The following B4GALT7 variants were observed in gnomAD, a reference collection of about 807,000 sequenced individuals.
B4GALT7 encodes the protein beta-1,4-galactosyltransferase 7, also known as UDP-Gal:beta-GlcNAc beta-1,4-galactosyltransferase 7.
A neutral mutation model predicts 33.0 loss-of-function variants in B4GALT7; 30 were observed. That is an observed-to-expected ratio of 0.91 (90% CI 0.68 to 1.23). B4GALT7 has a LOEUF of 1.23. B4GALT7 is among the 50% of genes most tolerant of loss of function. B4GALT7 has a pLI of 0.00. For synonymous variants in B4GALT7, 213 were observed against 187.2 expected (o/e 1.14, Z -1.13); for missense variants, 507 against 450.8 (o/e 1.12, Z -1.13).
chr5:177,609,588 C>G lies in B4GALT7; in HGVS notation c.877C>G (p.His293Asp), dbSNP rs371684746. 1.2e-6 allele frequency: 2 copies of G among 1,613,768 alleles called. No individual in the cohort carries two copies. The highest frequency in any genetic ancestry group is 2.7e-5 in the African/African-American group (2 of 74,916). Reference protein sequence around the residue: ...REGGLNTVKYHVASRTALSVG... With the variant: ...REGGLNTVKYDVASRTALSVG... ...GGGAGGCCTGAACACTGTGAAGTAC[C>G]ATGTGGCTTCCCGCACTGCCCTGTC... is the stretch of plus-strand genomic sequence containing the variant. Residue 293 changes from histidine (H) to aspartate (D), a missense_variant, in exon 6 of 6, where the codon CAT (histidine) becomes GAT (aspartate). Coordinates refer to ENST00000029410, the MANE Select transcript of B4GALT7 (RefSeq NM_007255.3).
intron 1 of B4GALT7, among the ~76,000 whole-genome samples, chr5:177,603,631 T>A (rs1011256438): frequency 6.6e-6 from 1 of 152,150 alleles, no homozygotes; most frequent in African/African-American, 2.4e-5. Context: ...AGAGTAAACA[T>A]TGGTCATTTT....
rs1768092599 is a variant in B4GALT7 at position 177,608,831 on chromosome 5, G to C, written c.724-79G>C. ...AGGCTGGGAGTGCAGGTCCCTTCCT[G>C]TGGGACCTCGGGAGCTGGTGGTGAG... On this transcript the variant is annotated intron_variant, in intron 4 of 5. Transcript: ENST00000029410. The surrounding 1 kb of genome is among the most constrained non-coding windows in gnomAD (Gnocchi z 4.1). 9.0e-6 allele frequency: 12 copies of C among 1,329,138 alleles called. No individual in the cohort carries two copies. The East Asian group carries it at 2.8e-4, about 31-fold the overall frequency. The allele number at this position is 1,329,138 out of a possible 1,614,324, so 82.3% of individuals were successfully genotyped here. A position where few individuals can be genotyped will look rare whatever the true frequency, so the allele number is the denominator to read the frequency against.
chr5:177,603,824 G>T (rs1424357824), intron 1 of B4GALT7, among the ~76,000 whole-genome samples: 1 of 152,098 alleles, frequency 6.6e-6, no homozygotes, highest in Non-Finnish European at 1.5e-5. Context: ...CACTATCGTG[G>T]GGAGGAGCAC....
At chr5:177,601,639 C>G (rs924900939) in intron 1 of B4GALT7, 3 of 152,250 alleles carry the variant, frequency 2.0e-5, no homozygotes, top group African/African-American at 7.2e-5. Context: ...GTGTAGCTAT[C>G]TAGTGTAGGC....
rs1050030873 is a variant in B4GALT7, at chr5:177,600,341, A to G, written c.50+81A>G. 2.6e-6 allele frequency: 3 copies of G among 1,136,394 alleles called. No individual in the cohort carries two copies. The highest frequency in any genetic ancestry group is 3.4e-6 in the Non-Finnish European group (3 of 891,616). 70.4% of individuals were successfully genotyped at this position (1,136,394 alleles called of 1,614,324 possible). A position where few individuals can be genotyped will look rare whatever the true frequency, so the allele number is the denominator to read the frequency against. ...GCCGCCGGCGGAATCTGGGAACCCG[A>G]GGCCATCACGTCTCCATGTCTGCGG... On this transcript the variant is annotated intron_variant, in intron 1 of 5. Coordinates refer to ENST00000029410, the MANE Select transcript of B4GALT7 (RefSeq NM_007255.3). The surrounding 1 kb of genome is among the most constrained non-coding windows in gnomAD (Gnocchi z 4.4).
At chr5:177,602,871 T>C (rs1435552802) in intron 1 of B4GALT7, 1 of 880,646 alleles carries the variant, frequency 1.1e-6, no homozygotes, top group South Asian at 5.7e-5. Flanking sequence ...ACTTAGGAGA[T>C]AGAATTTATT....
chr5:177,607,792 C>A, intron 3 of B4GALT7: 1 of 539,346 alleles, frequency 1.9e-6, no homozygotes, highest in Non-Finnish European at 3.4e-6. Flanking sequence ...GTGTACCTTG[C>A]CCACCTCTCA....
chr5:177,606,788 T>G lies in B4GALT7; in HGVS notation c.414-514T>G. 4.2e-6 allele frequency: 1 copy of G among 239,014 alleles called. No individual in the cohort carries two copies. Among genetic ancestry groups the G allele is most frequent in the South Asian group, 5.6e-5 (1 of 17,984 alleles). The allele number at this position is 239,014 out of a possible 1,614,324, so 14.8% of individuals were successfully genotyped here. A position where few individuals can be genotyped will look rare whatever the true frequency, so the allele number is the denominator to read the frequency against. On this transcript the variant is annotated intron_variant, in intron 2 of 5. Coordinates refer to ENST00000029410, the MANE Select transcript of B4GALT7 (RefSeq NM_007255.3). The surrounding 1 kb of genome is among the most constrained non-coding windows in gnomAD (Gnocchi z 4.2). ...CACCTCTGCCCTCGCCCTGCCCAGC[T>G]GCCCGTTGGTCTGCTCCTGCCTCCT...
intron 2 of B4GALT7, chr5:177,604,938 C>T (rs1767944563): frequency 6.5e-6 from 3 of 462,148 alleles, no homozygotes; most frequent in Non-Finnish European, 1.3e-5. Flanking sequence ...TTAAAGTTGC[C>T]CACAGTCTGG....
In B4GALT7 at chr5:177,604,176, C is replaced by T. The variant is rs1341176109; in HGVS notation, c.51-3C>T. The T allele has an allele frequency of 1.2e-6, 2 of 1,613,530 alleles. No individual in the cohort carries two copies. Among genetic ancestry groups the T allele is most frequent in the Admixed American group, 1.7e-5 (1 of 60,024 alleles). On this transcript the variant is annotated splice_polypyrimidine_tract_variant and splice_region_variant and intron_variant, in intron 1 of 5. Transcript: ENST00000029410. ...TCCTGACCCTGTCCCGCGCTTGCTCCAGGTCCGGGTTGCTCTCCGGCGGCC... is the reference window on the plus strand; with the variant it reads ...TCCTGACCCTGTCCCGCGCTTGCTCTAGGTCCGGGTTGCTCTCCGGCGGCC...
At chr5:177,607,626 G>C in intron 3 of B4GALT7, 99 bp downstream of exon 3, 4 of 1,215,034 alleles carry the variant, frequency 3.3e-6, no homozygotes, top group Non-Finnish European at 3.6e-6. Context: ...CCAGCAGATG[G>C]AGCCCTGCCC....
rs1767908688 is a variant in B4GALT7, at chr5:177,604,086, A to C, written c.51-93A>C. The C allele has an allele frequency of 7.0e-6, 11 of 1,567,104 alleles. No homozygotes were observed. In the Admixed American group the frequency reaches 1.0e-4, roughly 14 times the overall value. On this transcript the variant is annotated intron_variant, in intron 1 of 5. Coordinates refer to ENST00000029410, the MANE Select transcript of B4GALT7 (RefSeq NM_007255.3). ...CCCAGGTGCTTGGGGTAGACGAGTT[A>C]TGTGCAGCCTCCTCGTGGGGAGGCC...
intron 1 of B4GALT7, among the ~76,000 whole-genome samples, chr5:177,601,774 T>A (rs947741261): frequency 1.3e-5 from 2 of 151,824 alleles, no homozygotes; most frequent in Admixed American, 6.6e-5. Context: ...TGGGAGCCAC[T>A]GGGACTGCAA....
At chr5:177,602,372 A>C (rs2127510542) in intron 1 of B4GALT7, among the ~76,000 whole-genome samples, 1 of 152,260 alleles carries the variant, frequency 6.6e-6, no homozygotes, top group East Asian at 1.9e-4. Context: ...CCCTTTCTGT[A>C]ACTCACTTGG....
At chr5:177,607,706 G>T in intron 3 of B4GALT7, 179 bp downstream of exon 3, 1 of 651,000 alleles carries the variant, frequency 1.5e-6, no homozygotes, top group Non-Finnish European at 2.7e-6. Flanking sequence ...CGCAGCAGCA[G>T]AACTGCTTGC....
chr5:177,602,856 G>C lies in B4GALT7; in HGVS notation c.51-1323G>C, dbSNP rs1767880028. On this transcript the variant is annotated intron_variant, in intron 1 of 5. Coordinates refer to ENST00000029410, the MANE Select transcript of B4GALT7 (RefSeq NM_007255.3). ...AACAGATGAGTGAGGAAGGATCAGA[G>C]GGGGACTTAGGAGATAGAATTTATT... is the stretch of plus-strand genomic sequence containing the variant. The C allele has an allele frequency of 3.0e-5, 29 of 970,696 alleles. No individual in the cohort carries two copies. The South Asian group carries it at 1.2e-3, about 40-fold the overall frequency. 60.1% of individuals were successfully genotyped at this position (970,696 alleles called of 1,614,324 possible). A position where few individuals can be genotyped will look rare whatever the true frequency, so the allele number is the denominator to read the frequency against.
chr5:177,608,495 C>G lies in B4GALT7; in HGVS notation c.640-44C>G, dbSNP rs374322221. 58 of 1,565,684 alleles carry G rather than the reference C, an allele frequency of 3.7e-5. No individual in the cohort carries two copies. Among genetic ancestry groups the G allele is most frequent in the Admixed American group, 1.0e-4 (6 of 59,790 alleles). On this transcript the variant is annotated intron_variant, in intron 3 of 5. Coordinates refer to ENST00000029410, the MANE Select transcript of B4GALT7 (RefSeq NM_007255.3). This position sits in a 1 kb window ranked among gnomAD's most constrained non-coding sequence, Gnocchi z 4.1. ...GCGGTAGGAGACCAAAGGCCCCCCCCCCCGGGAAGATGGGCCGAGTGACGC... is the reference window on the plus strand; with the variant it reads ...GCGGTAGGAGACCAAAGGCCCCCCCGCCCGGGAAGATGGGCCGAGTGACGC...
rs562627459 is a variant in B4GALT7, at chr5:177,600,183, G to T, written c.-28G>T. 3,207 of 1,331,954 alleles carry T rather than the reference G, an allele frequency of 2.4e-3. 27 individuals carry two copies. The highest frequency in any genetic ancestry group is 0.017 in the South Asian group (929 of 54,390). 82.5% of individuals were successfully genotyped at this position (1,331,954 alleles called of 1,614,324 possible). On this transcript the variant is annotated 5_prime_UTR_variant, in exon 1 of 6. Coordinates refer to ENST00000029410, the MANE Select transcript of B4GALT7 (RefSeq NM_007255.3). This position sits in a 1 kb window ranked among gnomAD's most constrained non-coding sequence, Gnocchi z 4.4. ...CGGGCCGGCCGGGCTGCGAGCGCCT[G>T]CCCCATGCGCCGCCGCCTCTCCGCA...
rs1768077089 is a variant in B4GALT7 at position 177,608,468 on chromosome 5, G to A, written c.640-71G>A. The A allele has an allele frequency of 3.5e-6, 5 of 1,410,832 alleles. No individual in the cohort carries two copies. The highest frequency in any genetic ancestry group is 2.3e-5 in the East Asian group (1 of 43,664). 87.4% of individuals were successfully genotyped at this position (1,410,832 alleles called of 1,614,324 possible). The stretch of plus-strand genomic sequence containing the variant: ...GGCGCTGGGGGAGAGGGGCACTCCC[G>A]AGCGGTAGGAGACCAAAGGCCCCCC... On this transcript the variant is annotated intron_variant, in intron 3 of 5. Coordinates refer to ENST00000029410, the MANE Select transcript of B4GALT7 (RefSeq NM_007255.3). The surrounding 1 kb of genome is among the most constrained non-coding windows in gnomAD (Gnocchi z 4.1).
Sources: allele counts gnomAD v4.1 joint callset (sites outside exome capture counted in the v4.1 genomes callset), GRCh38; gene constraint gnomAD v4.1.1; non-coding constraint Gnocchi (gnomAD v3.1); transcripts MANE v1.5; gene names NCBI Gene and HGNC (gene_info 2026-07-23, HGNC 2026-07-21).